The following PPP1R9A variants were observed in gnomAD, a reference collection of about 807,000 sequenced individuals.
PPP1R9A encodes neurabin-1.
Under a neutral mutation model 141.9 loss-of-function variants are expected in PPP1R9A, and 59 were observed. The observed-to-expected ratio is 0.42, with a 90% CI of 0.34 to 0.52. The LOEUF (loss-of-function observed/expected upper bound fraction) is 0.52, where lower values mean the gene tolerates loss of function less well. PPP1R9A is among the 20% of genes least tolerant of loss of function. PPP1R9A has a pLI of 0.10. For missense variants in PPP1R9A, 1,444 were observed against 1,611.9 expected (o/e 0.90, Z 1.78); for synonymous variants, 500 against 569.7 (o/e 0.88, Z 1.74).
chr7:95,054,209 G>A (rs1451441367), intron 2 of PPP1R9A, among the ~76,000 whole-genome samples: 1 of 150,318 alleles, frequency 6.7e-6, no homozygotes, highest in African/African-American at 2.5e-5. Context: ...TCTGCCTTCT[G>A]GGTTCAAGCT....
chr7:95,058,648 G>A (rs1041060866), intron 2 of PPP1R9A, among the ~76,000 whole-genome samples: 4 of 152,206 alleles, frequency 2.6e-5, no homozygotes, highest in African/African-American at 9.6e-5. Context: ...ATGTGCTGAA[G>A]CTGTTGTAAG....
intron 2 of PPP1R9A, among the ~76,000 whole-genome samples, chr7:94,948,206 A>G (rs1796096166): frequency 6.6e-6 from 1 of 152,070 alleles, no homozygotes; most frequent in South Asian, 2.1e-4. Flanking sequence ...TAAATTTGGA[A>G]CATGATGGTC....
At chr7:94,938,468 T>G (rs1471385622) in intron 2 of PPP1R9A, among the ~76,000 whole-genome samples, 1 of 151,982 alleles carries the variant, frequency 6.6e-6, no homozygotes, top group Non-Finnish European at 1.5e-5. Context: ...TTTTTTTTTC[T>G]TAGTATGAGT....
chr7:95,098,014 C>T (rs1584673751), intron 2 of PPP1R9A, among the ~76,000 whole-genome samples: 1 of 152,350 alleles, frequency 6.6e-6, no homozygotes, highest in East Asian at 1.9e-4. Flanking sequence ...TTTCTTTTAT[C>T]GTCAGGAAAC....
intron 3 of PPP1R9A, among the ~76,000 whole-genome samples, chr7:95,114,089 G>A (rs1259349722): frequency 1.3e-5 from 2 of 152,068 alleles, no homozygotes; most frequent in Non-Finnish European, 2.9e-5. Flanking sequence ...TATTTTGGTA[G>A]TAGCAAAAAA....
intron 2 of PPP1R9A, among the ~76,000 whole-genome samples, chr7:94,916,402 A>G (rs1256900835): frequency 6.6e-6 from 1 of 152,216 alleles, no homozygotes; most frequent in Non-Finnish European, 1.5e-5. Flanking sequence ...TTTGAAGTAC[A>G]ATCTTCTGGC....
chr7:95,145,963 G>A (rs1027419967), intron 4 of PPP1R9A, among the ~76,000 whole-genome samples: 3 of 152,178 alleles, frequency 2.0e-5, no homozygotes, highest in Non-Finnish European at 4.4e-5. Context: ...GTAAACATAA[G>A]TGTGCATATG....
chr7:95,288,088 A>G (rs544055963), intron 18 of PPP1R9A, among the ~76,000 whole-genome samples: 19 of 152,344 alleles, frequency 1.2e-4, no homozygotes, highest in Admixed American at 1.0e-3. Flanking sequence ...AACTTCCCCT[A>G]AGAAGGCTTG....
chr7:95,278,167 A>G (rs773186080), intron 16 of PPP1R9A, among the ~76,000 whole-genome samples: 2 of 152,194 alleles, frequency 1.3e-5, no homozygotes, highest in East Asian at 1.9e-4. Flanking sequence ...GTTTCCTACC[A>G]AAAAATAAGT....
chr7:95,286,126 C>G, intron 17 of PPP1R9A, 80 bp from the exon 18 acceptor site: 2 of 1,545,240 alleles, frequency 1.3e-6, no homozygotes, highest in Non-Finnish European at 8.7e-7. Context: ...TTAAAAGAGC[C>G]CTTTTAGAGC....
intron 7 of PPP1R9A, among the ~76,000 whole-genome samples, chr7:95,207,634 C>T (rs544715891): frequency 6.6e-6 from 1 of 152,068 alleles, no homozygotes; most frequent in African/African-American, 2.4e-5. Context: ...TGACATTGTA[C>T]TGGAAGGCAA....
intron 4 of PPP1R9A, among the ~76,000 whole-genome samples, chr7:95,139,288 T>C (rs555477300): frequency 1.3e-3 from 203 of 151,990 alleles, no homozygotes; most frequent in Non-Finnish European, 2.4e-3. Flanking sequence ...CCTATACTTA[T>C]AAAACCACCT....
In PPP1R9A at chr7:95,269,531, C is replaced by T. The variant is rs931200365; in HGVS notation, c.3124+24C>T. ...AGGTATTGTTAATTTCTTTTTCTGACTTCATAACACCTCAGCTTGTACAGT... is the reference window on the plus strand; with the variant it reads ...AGGTATTGTTAATTTCTTTTTCTGATTTCATAACACCTCAGCTTGTACAGT... On this transcript the variant is annotated intron_variant, in intron 14 of 19. Coordinates refer to ENST00000433360, the MANE Select transcript of PPP1R9A (RefSeq NM_001166160.2). 2.6e-6 allele frequency: 4 copies of T among 1,516,532 alleles called. No individual in the cohort carries two copies. In the South Asian group the frequency reaches 3.4e-5, roughly 13 times the overall value. 93.9% of individuals were successfully genotyped at this position (1,516,532 alleles called of 1,614,324 possible). A position where few individuals can be genotyped will look rare whatever the true frequency, so the allele number is the denominator to read the frequency against.
intron 2 of PPP1R9A, among the ~76,000 whole-genome samples, chr7:95,015,215 C>T (rs1046763336): frequency 1.1e-4 from 10 of 87,594 alleles, no homozygotes; most frequent in Non-Finnish European, 1.4e-4. Flanking sequence ...TGTACACACA[C>T]GAATATATAT....
intron 2 of PPP1R9A, among the ~76,000 whole-genome samples, chr7:95,103,362 C>CTTCTTTTTTTTTTTTTT (rs1819049536): frequency 1.1e-5 from 1 of 88,816 alleles, no homozygotes; most frequent in Non-Finnish European, 2.2e-5. Context: ...TTTTTCACTT[C>CTTCTTTTTTTTTTTTTT]TTTTTTTTTT....
intron 2 of PPP1R9A, among the ~76,000 whole-genome samples, chr7:95,107,209 A>G (rs1819664104): frequency 6.6e-6 from 1 of 152,106 alleles, no homozygotes; most frequent in Non-Finnish European, 1.5e-5. Flanking sequence ...GGACATTAGT[A>G]TTTCTTCTTT....
chr7:95,233,721 A>C (rs1796293918), intron 8 of PPP1R9A, among the ~76,000 whole-genome samples: 1 of 152,094 alleles, frequency 6.6e-6, no homozygotes. Flanking sequence ...AAGGGACATA[A>C]CAAAAAAAGA....
Position 95,154,396 on chromosome 7 carries a change from C to A in PPP1R9A, c.1650-7471C>A, listed in dbSNP as rs183910817. 7.7e-3 allele frequency among the ~76,000 whole-genome samples: 1,172 copies of A among 152,130 alleles called. 14 individuals are homozygous for A. The highest frequency in any genetic ancestry group is 0.027 in the African/African-American group (1,112 of 41,548). Reference sequence around the variant, plus strand: ...TCTGAGAAGATAGTTGATGTGATTTCATTTTTTAAAAATTTGTTGAGGCTT... The same window carrying A: ...TCTGAGAAGATAGTTGATGTGATTTAATTTTTTAAAAATTTGTTGAGGCTT... On this transcript the variant is annotated intron_variant, in intron 4 of 19. Transcript: ENST00000433360.
intron 4 of PPP1R9A, among the ~76,000 whole-genome samples, chr7:95,152,644 T>C (rs1450327085): frequency 6.6e-6 from 1 of 152,126 alleles, no homozygotes; most frequent in Non-Finnish European, 1.5e-5. Flanking sequence ...AAATAAACAT[T>C]TATCCTATTA....
Sources: allele counts gnomAD v4.1 joint callset (sites outside exome capture counted in the v4.1 genomes callset), GRCh38; gene constraint gnomAD v4.1.1; transcripts MANE v1.5; gene names NCBI Gene and HGNC (gene_info 2026-07-23, HGNC 2026-07-21).